Variants in IFTAP observed in about 807,000 individuals in gnomAD.
The protein encoded by IFTAP is intraflagellar transport-associated protein.
IFTAP carries 19 observed loss-of-function variants against 19.4 expected under a neutral mutation model. That is an observed-to-expected ratio of 0.98 (90% CI 0.68 to 1.44). The LOEUF is 1.44. IFTAP is among the 40% of genes most tolerant of loss of function. The pLI, the probability that IFTAP is intolerant of heterozygous loss-of-function variation, is 0.00. For missense variants in IFTAP, 240 were observed against 253.6 expected, an observed-to-expected ratio of 0.95 and a Z score of 0.36; for synonymous variants, 85 against 83.5, an observed-to-expected ratio of 1.02 and a Z score of -0.10.
intron 5 of IFTAP, among the ~76,000 whole-genome samples, chr11:36,652,964 T>C (rs2133538302): frequency 6.6e-6 from 1 of 152,196 alleles, no homozygotes; most frequent in East Asian, 1.9e-4. Flanking sequence ...AAGAGAGTTG[T>C]TATTAGGAGG....
chr11:36,647,016 A>G (rs891975388), intron 4 of IFTAP, among the ~76,000 whole-genome samples: 3 of 152,092 alleles, frequency 2.0e-5, no homozygotes, highest in African/African-American at 7.2e-5. Context: ...TGAAGGGGAT[A>G]TCTATAGTGT....
intron 1 of IFTAP, among the ~76,000 whole-genome samples, chr11:36,605,611 A>C (rs112494067): frequency 2.0e-5 from 3 of 152,178 alleles, no homozygotes; most frequent in Non-Finnish European, 4.4e-5. Context: ...TGATTTTTCT[A>C]TCTCTCAGTG....
At chr11:36,639,312 C>T (rs951947337) in intron 4 of IFTAP, among the ~76,000 whole-genome samples, 2 of 151,120 alleles carry the variant, frequency 1.3e-5, no homozygotes, top group South Asian at 4.2e-4. Flanking sequence ...ATCTCTTGGT[C>T]AGCGGGTGTA....
At chr11:36,630,175 A>T (rs1352476566) in intron 2 of IFTAP, among the ~76,000 whole-genome samples, 1 of 151,424 alleles carries the variant, frequency 6.6e-6, no homozygotes, top group Non-Finnish European at 1.5e-5. Context: ...GGGCTGTGCC[A>T]GCATCTGCCA....
At chr11:36,624,088 G>T (rs1247738163) in intron 2 of IFTAP, among the ~76,000 whole-genome samples, 1 of 151,992 alleles carries the variant, frequency 6.6e-6, no homozygotes, top group Non-Finnish European at 1.5e-5. Flanking sequence ...CCTAGATTGA[G>T]GATTAGAAAC....
intron 2 of IFTAP, among the ~76,000 whole-genome samples, chr11:36,623,904 A>G (rs187332704): frequency 6.6e-6 from 1 of 152,278 alleles, no homozygotes; most frequent in East Asian, 1.9e-4. Flanking sequence ...TTGTGATTTA[A>G]AAGAGGGACA....
At chr11:36,608,763 T>C (rs1399246746) in intron 1 of IFTAP, among the ~76,000 whole-genome samples, 4 of 151,954 alleles carry the variant, frequency 2.6e-5, no homozygotes, top group Non-Finnish European at 5.9e-5. Flanking sequence ...ATATCAGGAG[T>C]CTTGTGTTCA....
chr11:36,601,679 G>T (rs1851514769), intron 1 of IFTAP, among the ~76,000 whole-genome samples: 1 of 151,778 alleles, frequency 6.6e-6, no homozygotes, highest in Admixed American at 6.6e-5. Flanking sequence ...TTGGAGACAG[G>T]GTCTTGCTCT....
At chr11:36,634,387 T>C (rs1209809308) in intron 3 of IFTAP, among the ~76,000 whole-genome samples, 1 of 152,120 alleles carries the variant, frequency 6.6e-6, no homozygotes, top group African/African-American at 2.4e-5. Context: ...AGTAGTCTAT[T>C]ATAGGTTACA....
chr11:36,619,387 T>A (rs1227336094), intron 2 of IFTAP, among the ~76,000 whole-genome samples: 2 of 152,006 alleles, frequency 1.3e-5, no homozygotes, highest in Admixed American at 1.3e-4. Flanking sequence ...TAAATTTCCA[T>A]GAGGGTGCAA....
At chr11:36,648,263 T>C (rs1354589252) in intron 5 of IFTAP, 108 bp downstream of exon 5, 3 of 1,396,238 alleles carry the variant, frequency 2.1e-6, no homozygotes, top group East Asian at 2.4e-5. Context: ...TGGGAAAATA[T>C]AAAATTCAAG....
chr11:36,627,361 G>T (rs1226445167), intron 2 of IFTAP, among the ~76,000 whole-genome samples: 1 of 151,046 alleles, frequency 6.6e-6, no homozygotes, highest in African/African-American at 2.5e-5. Context: ...TAAAGCTGTG[G>T]GGAAGTGGAG....
chr11:36,600,045 A>G (rs11033705), intron 1 of IFTAP, among the ~76,000 whole-genome samples: 3,434 of 152,340 alleles, frequency 0.023, 126 homozygotes, highest in African/African-American at 0.078. Flanking sequence ...TCTTGACAAG[A>G]CTAGAAATTA....
At chr11:36,643,310 AAGG>A (rs1853316160) in intron 4 of IFTAP, among the ~76,000 whole-genome samples, 1 of 152,204 alleles carries the variant, frequency 6.6e-6, no homozygotes, top group Non-Finnish European at 1.5e-5. Flanking sequence ...GGACCTCTTC[AAGG>A]AGAACTACAA....
At chr11:36,614,600 T>A (rs1397910369) in intron 2 of IFTAP, among the ~76,000 whole-genome samples, 2 of 148,676 alleles carry the variant, frequency 1.3e-5, no homozygotes, top group Non-Finnish European at 3.0e-5. Context: ...GACTTTTTAA[T>A]GATTGCCATT....
chr11:36,598,011 C>G (rs1035897449), intron 1 of IFTAP: 26 of 152,258 alleles, frequency 1.7e-4, no homozygotes, highest in African/African-American at 6.3e-4. Context: ...GACTAACACA[C>G]TGCCAAAATG....
chr11:36,644,041 T>C (rs12272928), intron 4 of IFTAP, among the ~76,000 whole-genome samples: 3,891 of 152,148 alleles, frequency 0.026, 166 homozygotes, highest in African/African-American at 0.088. Context: ...CAAAAGAAAC[T>C]ACCATCAGAG....
At chr11:36,639,296 A>G (rs1475988819) in intron 4 of IFTAP, among the ~76,000 whole-genome samples, 2 of 150,552 alleles carry the variant, frequency 1.3e-5, no homozygotes, top group East Asian at 3.9e-4. Flanking sequence ...ATACTGTCTT[A>G]CACACATCTC....
intron 5 of IFTAP, among the ~76,000 whole-genome samples, chr11:36,651,795 T>C (rs1853741577): frequency 6.6e-6 from 1 of 152,206 alleles, no homozygotes; most frequent in South Asian, 2.1e-4. Context: ...CCCAGCACCA[T>C]TTATTTAATA....
Sources: gnomAD v4.1 joint callset for allele counts (sites outside exome capture counted in the v4.1 genomes callset) on GRCh38, gnomAD v4.1.1 for gene constraint, MANE v1.5 for transcripts, NCBI Gene and HGNC (gene_info 2026-07-23, HGNC 2026-07-21) for gene names.